Variants in CTNNA3 observed in about 807,000 individuals in gnomAD.
CTNNA3 encodes the protein catenin alpha 3.
In CTNNA3, 76 loss-of-function variants were observed where a neutral mutation model predicts 95.7. The observed-to-expected ratio is 0.79, with a 90% CI of 0.66 to 0.96. The LOEUF (loss-of-function observed/expected upper bound fraction) is 0.96, where lower values mean the gene tolerates loss of function less well. CTNNA3 is among the 40% of genes least tolerant of loss of function. The pLI is 0.00. For missense variants in CTNNA3, 1,191 were observed against 1,089.8 expected, an observed-to-expected ratio of 1.09 and a Z score of -1.31; for synonymous variants, 431 against 374.4, an observed-to-expected ratio of 1.15 and a Z score of -1.74.
At chr10:67,372,862 T>C (rs1319238610) in intron 5 of CTNNA3, among the ~76,000 whole-genome samples, 1 of 152,180 alleles carries the variant, frequency 6.6e-6, no homozygotes, top group East Asian at 1.9e-4. Context: ...CAGAATTTCA[T>C]ATCCAGCCAA....
chr10:66,908,728 T>G (rs1317909956), intron 7 of CTNNA3, among the ~76,000 whole-genome samples: 2 of 152,166 alleles, frequency 1.3e-5, no homozygotes, highest in African/African-American at 4.8e-5. Flanking sequence ...TGCTGGCACT[T>G]AATTCAGGTT....
intron 5 of CTNNA3, among the ~76,000 whole-genome samples, chr10:67,417,757 G>GT (rs1845596013): frequency 6.6e-6 from 1 of 151,958 alleles, no homozygotes; most frequent in Non-Finnish European, 1.5e-5. Flanking sequence ...CCCATCCACT[G>GT]TATAAATATG....
chr10:66,013,787 T>C (rs1243154792), intron 15 of CTNNA3, among the ~76,000 whole-genome samples: 1 of 152,198 alleles, frequency 6.6e-6, no homozygotes, highest in Non-Finnish European at 1.5e-5. Flanking sequence ...TCTGTTATGC[T>C]ATTATGACAG....
At chr10:67,305,151 C>A (rs1235447630) in intron 5 of CTNNA3, among the ~76,000 whole-genome samples, 4 of 151,828 alleles carry the variant, frequency 2.6e-5, no homozygotes, top group Non-Finnish European at 5.9e-5. Flanking sequence ...TGGGGGGCGC[C>A]CGTAGTCCCA....
In CTNNA3 at chr10:67,598,978, G is replaced by A. The variant is rs75314160; in HGVS notation, c.292+7879C>T. Among the ~76,000 whole-genome samples, 926 of 152,276 alleles carry A rather than the reference G, an allele frequency of 6.1e-3. 37 individuals carry two copies. The East Asian group carries it at 0.1, about 17-fold the overall frequency. ...AAAAATAAAAATAAAAATCTGTGCTGTGATTTCAATTGCTGCCCATTTCAT... is the reference window on the plus strand; with the variant it reads ...AAAAATAAAAATAAAAATCTGTGCTATGATTTCAATTGCTGCCCATTTCAT... On this transcript the variant is annotated intron_variant, in intron 3 of 17. Transcript: ENST00000433211.
intron 11 of CTNNA3, among the ~76,000 whole-genome samples, chr10:66,390,855 G>GT (rs1160506634): frequency 7.8e-4 from 118 of 152,222 alleles, no homozygotes; most frequent in Non-Finnish European, 1.9e-4. Context: ...TATGCATACA[G>GT]TTAAATGTAA....
intron 5 of CTNNA3, among the ~76,000 whole-genome samples, chr10:67,489,631 C>G (rs1848578519): frequency 6.6e-6 from 1 of 152,088 alleles, no homozygotes; most frequent in South Asian, 2.1e-4. Context: ...CTGCTTAGCT[C>G]TCACTATTGC....
intron 15 of CTNNA3, among the ~76,000 whole-genome samples, chr10:66,001,926 T>C (rs1373389086): frequency 6.6e-6 from 1 of 152,152 alleles, no homozygotes; most frequent in African/African-American, 2.4e-5. Context: ...ATATAAAATA[T>C]ATACACACAT....
chr10:66,191,478 A>T (rs1430511453), intron 13 of CTNNA3, among the ~76,000 whole-genome samples: 1 of 152,126 alleles, frequency 6.6e-6, no homozygotes, highest in Non-Finnish European at 1.5e-5. Flanking sequence ...AAAAAGGCCT[A>T]ATCATGCAGA....
At chr10:67,551,248 G>T (rs914468503) in intron 3 of CTNNA3, among the ~76,000 whole-genome samples, 2 of 152,072 alleles carry the variant, frequency 1.3e-5, no homozygotes, top group Admixed American at 6.6e-5. Flanking sequence ...GGAGGAGATC[G>T]GTGGAAGAAG....
intron 12 of CTNNA3, among the ~76,000 whole-genome samples, chr10:66,353,399 T>C (rs1234785773): frequency 1.3e-5 from 2 of 152,160 alleles, no homozygotes; most frequent in East Asian, 3.8e-4. Flanking sequence ...TACATCTTTC[T>C]TAGCCTGTTG....
At chr10:67,668,164 G>C (rs1431098884) in intron 1 of CTNNA3, among the ~76,000 whole-genome samples, 2 of 151,976 alleles carry the variant, frequency 1.3e-5, no homozygotes, top group Non-Finnish European at 2.9e-5. Flanking sequence ...GGCCTTATTA[G>C]CCTCAATTCT....
chr10:67,109,081 T>C (rs1373810212), intron 7 of CTNNA3, among the ~76,000 whole-genome samples: 4 of 152,200 alleles, frequency 2.6e-5, no homozygotes, highest in African/African-American at 9.7e-5. Flanking sequence ...TATAATACAA[T>C]TTCTAACTTC....
At chr10:67,060,548 C>T (rs191766050) in intron 7 of CTNNA3, among the ~76,000 whole-genome samples, 62 of 152,298 alleles carry the variant, frequency 4.1e-4, no homozygotes, top group Middle Eastern at 3.4e-3. Flanking sequence ...TTAGGCAGCA[C>T]CAGATAACAC....
chr10:66,380,525 T>A (rs973168811), intron 11 of CTNNA3, among the ~76,000 whole-genome samples: 2 of 151,698 alleles, frequency 1.3e-5, no homozygotes, highest in Non-Finnish European at 2.9e-5. Flanking sequence ...GGAGGATTGA[T>A]TGAGCCCAGG....
intron 9 of CTNNA3, among the ~76,000 whole-genome samples, chr10:66,659,215 CACAT>C (rs1308256941): frequency 3.6e-4 from 54 of 150,798 alleles, no homozygotes; most frequent in African/African-American, 1.1e-3. Context: ...CACACACACA[CACAT>C]ACGTGTAGTT....
At chr10:66,872,701 C>G (rs1375590258) in intron 7 of CTNNA3, among the ~76,000 whole-genome samples, 1 of 140,344 alleles carries the variant, frequency 7.1e-6, no homozygotes, top group East Asian at 2.1e-4. Flanking sequence ...ATAATTTCAA[C>G]TTTTATTTTT....
intron 11 of CTNNA3, among the ~76,000 whole-genome samples, chr10:66,515,345 C>CTCTATATATATA (rs558913767): frequency 0.011 from 1,625 of 148,952 alleles, 21 homozygotes; most frequent in Middle Eastern, 0.021. Flanking sequence ...CTCTCTCTCT[C>CTCTATATATATA]TATATATATA....
intron 1 of CTNNA3, among the ~76,000 whole-genome samples, chr10:67,684,501 C>T (rs997576430): frequency 5.9e-5 from 9 of 152,182 alleles, no homozygotes; most frequent in Non-Finnish European, 8.8e-5. Context: ...GAAGCCCAGC[C>T]GGCTTCATCT....
Sources: allele counts gnomAD v4.1 joint callset (sites outside exome capture counted in the v4.1 genomes callset), GRCh38; gene constraint gnomAD v4.1.1; transcripts MANE v1.5; gene names NCBI Gene and HGNC (gene_info 2026-07-23, HGNC 2026-07-21).